PPP2R2C: variants seen among roughly 807,000 people sequenced by gnomAD.
The protein encoded by PPP2R2C is protein phosphatase 2 regulatory subunit Bgamma.
In PPP2R2C, 10 loss-of-function variants were observed where a neutral mutation model predicts 45.3. That is an observed-to-expected ratio of 0.22 (90% CI 0.14 to 0.37). PPP2R2C has a LOEUF of 0.37. Among genes scored for constraint, PPP2R2C ranks in the 10% least tolerant of loss-of-function variants. PPP2R2C has a pLI of 1.00. For synonymous variants in PPP2R2C, 257 were observed against 245.4 expected, an observed-to-expected ratio of 1.05 and a Z score of -0.44; for missense variants, 308 against 619.7, an observed-to-expected ratio of 0.50 and a Z score of 5.34.
At chr4:6,505,033 A>G (rs1426034748) in intron 2 of PPP2R2C, among the ~76,000 whole-genome samples, 1 of 152,194 alleles carries the variant, frequency 6.6e-6, no homozygotes, top group African/African-American at 2.4e-5. Flanking sequence ...TATAAAGAAA[A>G]ACTCTGGAAA....
intron 6 of PPP2R2C, 40 bp downstream of exon 6, chr4:6,347,806 C>A: frequency 1.1e-6 from 1 of 896,402 alleles, no homozygotes; most frequent in Non-Finnish European, 1.7e-6. Context: ...CGCCCGCCTG[C>A]CCAATGCACA....
At position 6,390,185 on chromosome 4, in the gene PPP2R2C, G is replaced by A. The variant is rs548002259; in HGVS notation, c.71-9091C>T. Among the ~76,000 whole-genome samples the A allele has an allele frequency of 3.0e-4, 45 of 152,196 alleles. No individual in the cohort carries two copies. In the South Asian group the frequency reaches 9.3e-3, roughly 32 times the overall value. ...CTTAGGACCACCTTAGGTCCTGAGTGCCGGCTGCCCAGAGGGGCGTGGAGA... is the reference window on the plus strand; with the variant it reads ...CTTAGGACCACCTTAGGTCCTGAGTACCGGCTGCCCAGAGGGGCGTGGAGA... On this transcript the variant is annotated intron_variant, in intron 1 of 8. Coordinates refer to ENST00000382599, the MANE Select transcript of PPP2R2C (RefSeq NM_020416.4).
chr4:6,483,397 AT>A (rs1722428610), intron 2 of PPP2R2C, among the ~76,000 whole-genome samples: 1 of 152,150 alleles, frequency 6.6e-6, no homozygotes, highest in South Asian at 2.1e-4. Flanking sequence ...CATCAGCAGT[AT>A]ATAAGAGTTC....
chr4:6,544,970 T>G (rs578034238), intron 1 of PPP2R2C, among the ~76,000 whole-genome samples: 1 of 152,314 alleles, frequency 6.6e-6, no homozygotes, highest in South Asian at 2.1e-4. Flanking sequence ...TTTTTATAAT[T>G]TCCTCAGGAT....
chr4:6,424,498 C>T (rs1719171146), intron 1 of PPP2R2C, among the ~76,000 whole-genome samples: 12 of 152,214 alleles, frequency 7.9e-5, no homozygotes, highest in Admixed American at 7.9e-4. Context: ...CATAGCATGA[C>T]TGACCTGAGC....
intron 2 of PPP2R2C, among the ~76,000 whole-genome samples, chr4:6,513,416 C>G (rs1482819777): frequency 6.6e-6 from 1 of 152,110 alleles, no homozygotes; most frequent in East Asian, 1.9e-4. Flanking sequence ...CAGTGTGTGT[C>G]TGGGGAGCCC....
At chr4:6,363,969 C>T (rs751945030) in intron 5 of PPP2R2C, among the ~76,000 whole-genome samples, 12 of 152,230 alleles carry the variant, frequency 7.9e-5, no homozygotes, top group Non-Finnish European at 1.6e-4. Flanking sequence ...CTTATCCTAA[C>T]ACCCATCTCA....
intron 1 of PPP2R2C, among the ~76,000 whole-genome samples, chr4:6,457,329 G>A (rs571880870): frequency 2.6e-5 from 4 of 151,692 alleles, no homozygotes; most frequent in African/African-American, 7.3e-5. Context: ...ACATTAAAAA[G>A]TCTTTTATGG....
At chr4:6,545,323 A>T (rs1298108995) in intron 1 of PPP2R2C, among the ~76,000 whole-genome samples, 1 of 152,230 alleles carries the variant, frequency 6.6e-6, no homozygotes, top group African/African-American at 2.4e-5. Flanking sequence ...CTCAAAATCA[A>T]TAAGTTAATT....
chr4:6,508,717 G>A (rs1240630970), intron 2 of PPP2R2C, among the ~76,000 whole-genome samples: 1 of 152,200 alleles, frequency 6.6e-6, no homozygotes, highest in Non-Finnish European at 1.5e-5. Flanking sequence ...GAGTTTAACT[G>A]GAGTATGACC....
In PPP2R2C at chr4:6,329,079, C is replaced by T. The variant is rs6829610; in HGVS notation, c.1052+183G>A. On this transcript the variant is annotated intron_variant, in intron 8 of 8. Coordinates refer to ENST00000382599, the MANE Select transcript of PPP2R2C (RefSeq NM_020416.4). This position sits in a 1 kb window ranked among gnomAD's most constrained non-coding sequence, Gnocchi z 5.8. The stretch of plus-strand genomic sequence containing the variant: ...AGAAGATGAAGAATTTCATGTCCTG[C>T]CCCTTGAATCTGAGCGCTGAGAGTT... Among the ~76,000 whole-genome samples, 14,302 of 152,212 alleles carry T rather than the reference C, an allele frequency of 0.094. 2,106 individuals are homozygous for T. The highest frequency in any genetic ancestry group is 0.31 in the African/African-American group (12,868 of 41,478).
rs1339334790 is a variant in PPP2R2C, at chr4:6,328,105, G to A, written c.1052+1157C>T. 1.3e-5 allele frequency among the ~76,000 whole-genome samples: 2 copies of A among 152,154 alleles called. No individual in the cohort carries two copies. The highest frequency in any genetic ancestry group is 4.8e-5 in the African/African-American group (2 of 41,442). ...ACCCTCAGAGGTCTGGGAGAGCCCA[G>A]ACCTGTCATGTTGACTGATGCCATC... On this transcript the variant is annotated intron_variant, in intron 8 of 8. Coordinates refer to ENST00000382599, the MANE Select transcript of PPP2R2C (RefSeq NM_020416.4). The surrounding 1 kb of genome is among the most constrained non-coding windows in gnomAD (Gnocchi z 4.4).
At chr4:6,557,334 A>G (rs116258594) in intron 1 of PPP2R2C, among the ~76,000 whole-genome samples, 4,236 of 152,214 alleles carry the variant, frequency 0.028, 79 homozygotes, top group Middle Eastern at 0.078. Context: ...AACACAGATG[A>G]GTTCTTACAG....
chr4:6,435,006 TCAGC>T (rs1719824850), intron 1 of PPP2R2C, among the ~76,000 whole-genome samples: 1 of 152,218 alleles, frequency 6.6e-6, no homozygotes, highest in Non-Finnish European at 1.5e-5. Flanking sequence ...CAATATTTTC[TCAGC>T]CACTCACTGT....
At position 6,328,339 on chromosome 4, in the gene PPP2R2C, G is replaced by A. The variant is rs1030994705; in HGVS notation, c.1052+923C>T. Among the ~76,000 whole-genome samples, 2 of 152,208 alleles carry A rather than the reference G, an allele frequency of 1.3e-5. No individual in the cohort carries two copies. Among genetic ancestry groups the A allele is most frequent in the Non-Finnish European group, 2.9e-5 (2 of 68,036 alleles). On this transcript the variant is annotated intron_variant, in intron 8 of 8. Transcript: ENST00000382599. This position sits in a 1 kb window ranked among gnomAD's most constrained non-coding sequence, Gnocchi z 4.4. ...GGAGACCCACTTCTGAATCTGGGCG[G>A]CTGGACAAAGAGGCATCCTGTCCTT...
At chr4:6,554,644 G>C (rs1725301226) in intron 1 of PPP2R2C, among the ~76,000 whole-genome samples, 1 of 152,114 alleles carries the variant, frequency 6.6e-6, no homozygotes. Flanking sequence ...CAGAGTACTT[G>C]AGGTCAGGAG....
At chr4:6,489,426 C>T (rs1001223443) in intron 2 of PPP2R2C, among the ~76,000 whole-genome samples, 2 of 152,130 alleles carry the variant, frequency 1.3e-5, no homozygotes, top group Non-Finnish European at 2.9e-5. Flanking sequence ...CCTATTCCTC[C>T]TCATGCAGAG....
At chr4:6,557,565 G>A (rs906402957) in intron 1 of PPP2R2C, among the ~76,000 whole-genome samples, 1 of 152,208 alleles carries the variant, frequency 6.6e-6, no homozygotes. Context: ...CAGGAGCAGA[G>A]GGAATAGCAG....
chr4:6,509,784 A>T (rs1351401581), intron 2 of PPP2R2C, among the ~76,000 whole-genome samples: 1 of 152,106 alleles, frequency 6.6e-6, no homozygotes, highest in Admixed American at 6.5e-5. Context: ...TCCGTGCCTT[A>T]GTTCCCTCCT....
Sources: allele counts gnomAD v4.1 joint callset (sites outside exome capture counted in the v4.1 genomes callset), GRCh38; gene constraint gnomAD v4.1.1; non-coding constraint Gnocchi (gnomAD v3.1); transcripts MANE v1.5; gene names NCBI Gene and HGNC (gene_info 2026-07-23, HGNC 2026-07-21).